The following ADCY8 variants were observed in gnomAD, a reference collection of about 807,000 sequenced individuals.
ADCY8 encodes the protein adenylate cyclase 8.
ADCY8 carries 51 observed loss-of-function variants against 119.7 expected under a neutral mutation model. The observed-to-expected ratio is 0.43, with a 90% CI of 0.34 to 0.54. The LOEUF (loss-of-function observed/expected upper bound fraction) is 0.54. Ranked by LOEUF, ADCY8 falls within the 20% of genes least tolerant of loss-of-function variation. The pLI is 0.03. For missense variants in ADCY8, 1,383 were observed against 1,598.8 expected (o/e 0.87, Z 2.30); for synonymous variants, 665 against 651.0 (o/e 1.02, Z -0.33).
intron 1 of ADCY8, among the ~76,000 whole-genome samples, chr8:131,037,481 T>G (rs185693263): frequency 1.3e-5 from 2 of 152,372 alleles, no homozygotes; most frequent in Admixed American, 6.5e-5. Context: ...TTATTCTAAA[T>G]ACTATTCCAA....
chr8:130,891,126 G>A (rs1203440702), intron 7 of ADCY8, among the ~76,000 whole-genome samples: 1 of 152,114 alleles, frequency 6.6e-6, no homozygotes, highest in East Asian at 1.9e-4. Flanking sequence ...TATTCTGGGA[G>A]CACGCTTCCA....
At chr8:130,819,198 T>TA (rs1207916455) in intron 13 of ADCY8, among the ~76,000 whole-genome samples, 2 of 152,204 alleles carry the variant, frequency 1.3e-5, no homozygotes, top group Non-Finnish European at 1.5e-5. Context: ...GGGGTTTTAA[T>TA]ACTATCTGCC....
chr8:130,936,562 C>T (rs1397827234), intron 5 of ADCY8, among the ~76,000 whole-genome samples: 1 of 152,148 alleles, frequency 6.6e-6, no homozygotes, highest in Non-Finnish European at 1.5e-5. Flanking sequence ...AAACTCTCCC[C>T]TCCACTTCCA....
At chr8:130,899,692 C>A (rs1052710141) in intron 7 of ADCY8, among the ~76,000 whole-genome samples, 2 of 151,896 alleles carry the variant, frequency 1.3e-5, no homozygotes, top group African/African-American at 2.4e-5. Context: ...GTATGTAGTA[C>A]ACTTGAGTAT....
chr8:130,951,990 G>A lies in ADCY8; in HGVS notation c.1119C>T (p.Leu373=), dbSNP rs1202405393. ...LETENQRQER[L]VLSVLPRFVV... is the part of the protein sequence containing the mutation. ...CAAACCGGGGGAGCACAGAAAGCAC[G>A]AGCCGCTCCTGGAACAAATGAAGAG... Residue 373 remains leucine (L), a synonymous_variant, in exon 3 of 18, where the codon CTC becomes CTT. Coordinates refer to ENST00000286355, the MANE Select transcript of ADCY8 (RefSeq NM_001115.3). 6.8e-6 allele frequency: 11 copies of A among 1,613,984 alleles called. No homozygotes were observed. The highest frequency in any genetic ancestry group is 6.7e-5 in the East Asian group (3 of 44,880).
Position 130,847,406 on chromosome 8 carries a change from G to T in ADCY8, c.2502+18C>A. 1 of 1,568,582 alleles carries T rather than the reference G, an allele frequency of 6.4e-7. No individual in the cohort carries two copies. The highest frequency in any genetic ancestry group is 1.1e-5 in the South Asian group (1 of 87,800). The stretch of plus-strand genomic sequence containing the variant: ...ATCTATGTCCAACTCTCACCAAGGG[G>T]AGCTCATAAATAAATACCTCTGGGT... On this transcript the variant is annotated intron_variant, in intron 11 of 17. Coordinates refer to ENST00000286355, the MANE Select transcript of ADCY8 (RefSeq NM_001115.3).
rs1815741407 is a variant in ADCY8 at position 130,800,482 on chromosome 8, T to G, written c.3004A>C (p.Asn1002His). ...AAGCGCAGGCATTCCACTCCCTGGTTATTCATTTCAGTCTGAGAGTAAAAG... is the reference window on the plus strand; with the variant it reads ...AAGCGCAGGCATTCCACTCCCTGGTGATTCATTTCAGTCTGAGAGTAAAAG... ...ADFYSQTEMN[N>H]QGVECLRLLN... The change falls in exon 15 of 18, where the codon AAC becomes CAC. Residue 1002 changes from asparagine (N) to histidine (H), a missense_variant. Coordinates refer to ENST00000286355, the MANE Select transcript of ADCY8 (RefSeq NM_001115.3). The G allele has an allele frequency of 1.2e-6, 2 of 1,614,102 alleles. No homozygotes were observed. Among genetic ancestry groups the G allele is most frequent in the African/African-American group, 1.3e-5 (1 of 74,928 alleles).
chr8:130,972,678 A>T (rs1394155325), intron 2 of ADCY8, among the ~76,000 whole-genome samples: 1 of 152,186 alleles, frequency 6.6e-6, no homozygotes, highest in Non-Finnish European at 1.5e-5. Context: ...ATTTAAAATG[A>T]ATATTCTTTC....
At chr8:131,009,137 T>C (rs1823218858) in intron 1 of ADCY8, among the ~76,000 whole-genome samples, 1 of 152,158 alleles carries the variant, frequency 6.6e-6, no homozygotes, top group South Asian at 2.1e-4. Flanking sequence ...GAGCTGAATG[T>C]CAATCACCAA....
intron 1 of ADCY8, among the ~76,000 whole-genome samples, chr8:131,016,927 C>T (rs1823492674): frequency 6.6e-6 from 1 of 152,006 alleles, no homozygotes. Flanking sequence ...GCCTCCTGAA[C>T]TCTTCCTGAA....
intron 9 of ADCY8, among the ~76,000 whole-genome samples, chr8:130,855,534 C>G (rs368883069): frequency 2.0e-5 from 3 of 152,096 alleles, no homozygotes; most frequent in Non-Finnish European, 4.4e-5. Flanking sequence ...TCTCTTCCCC[C>G]TGAACCCCAG....
intron 15 of ADCY8, among the ~76,000 whole-genome samples, chr8:130,795,120 A>G (rs1815539374): frequency 6.6e-6 from 1 of 152,224 alleles, no homozygotes. Flanking sequence ...AAGAGATTAA[A>G]AAGTAGACTG....
chr8:130,917,269 A>G (rs1820156918), intron 5 of ADCY8, among the ~76,000 whole-genome samples: 1 of 152,192 alleles, frequency 6.6e-6, no homozygotes, highest in Admixed American at 6.5e-5. Flanking sequence ...GAAGAACTCT[A>G]AAGATATAAG....
At chr8:130,971,964 A>G (rs6470874) in intron 2 of ADCY8, among the ~76,000 whole-genome samples, 133,297 of 152,168 alleles carry the variant, frequency 0.88, 60,292 homozygotes, top group Non-Finnish European at 0.98. Context: ...TTTGAAGTAC[A>G]ATTTACATAG....
Position 130,849,689 on chromosome 8 carries a change from G to A in ADCY8, c.2325C>T (p.Cys775=), listed in dbSNP as rs1389911736. The change falls in exon 10 of 18, where the codon TGC becomes TGT. Residue 775 remains cysteine, a synonymous_variant. Coordinates refer to ENST00000286355, the MANE Select transcript of ADCY8 (RefSeq NM_001115.3). ...CCAAATAGGTCTCATTAATCCAACA[G>A]CAAGTTTTCCGGAGGATGAGGGGCA... ...KCLPLILRKT[C]CWINETYLAR... is the part of the protein sequence containing the mutation. The A allele has an allele frequency of 6.2e-7, 1 of 1,614,038 alleles. No individual in the cohort carries two copies. Among genetic ancestry groups the A allele is most frequent in the South Asian group, 1.1e-5 (1 of 91,078 alleles).
chr8:130,845,119 C>T (rs185126240), intron 11 of ADCY8, among the ~76,000 whole-genome samples: 16 of 152,226 alleles, frequency 1.1e-4, no homozygotes, highest in African/African-American at 3.6e-4. Flanking sequence ...ACTTTTATCC[C>T]CGTTTTACAG....
chr8:130,954,167 C>T (rs1005786598), intron 2 of ADCY8, among the ~76,000 whole-genome samples: 1 of 152,218 alleles, frequency 6.6e-6, no homozygotes, highest in Non-Finnish European at 1.5e-5. Context: ...GATTGCAAAT[C>T]ATCCTTACAC....
In ADCY8 at chr8:130,884,641, G is replaced by A. The variant is rs759481208; in HGVS notation, c.2032C>T (p.Arg678Trp). 5.0e-6 allele frequency: 8 copies of A among 1,613,818 alleles called. No individual in the cohort carries two copies. The highest frequency in any genetic ancestry group is 1.3e-5 in the African/African-American group (1 of 75,004). The change falls in exon 8 of 18, where the codon CGG becomes TGG. Residue 678 changes from arginine to tryptophan, a missense_variant. This residue lies in a region of ADCY8 where 928 missense variants were observed against 1,163.5 expected (regional missense o/e 0.80). Coordinates refer to ENST00000286355, the MANE Select transcript of ADCY8 (RefSeq NM_001115.3). ...TCTCTTCTCAATTTATCGCCACTCC[G>A]CAAGTCGATGGTATGTTCTATTCTC... ...NKRIEHTIDL[R>W]SGDKLRREHI... is the part of the protein sequence containing the mutation.
chr8:130,805,218 C>T (rs1815909000), intron 14 of ADCY8, among the ~76,000 whole-genome samples: 1 of 152,242 alleles, frequency 6.6e-6, no homozygotes, highest in East Asian at 1.9e-4. Context: ...TTACCATGTC[C>T]CCATGAGACA....
Sources: gnomAD v4.1 joint callset for allele counts (sites outside exome capture counted in the v4.1 genomes callset) on GRCh38, gnomAD v4.1.1 for gene constraint, gnomAD v4.1.1 regional missense constraint, MANE v1.5 for transcripts, NCBI Gene and HGNC (gene_info 2026-07-23, HGNC 2026-07-21) for gene names.